Variants in PCYT1B observed in about 807,000 individuals in gnomAD.
PCYT1B encodes the protein phosphate cytidylyltransferase 1B, choline, also known as choline-phosphate cytidylyltransferase B.
In PCYT1B, 10 loss-of-function variants were observed where a neutral mutation model predicts 26.4. The observed-to-expected ratio is 0.38, with a 90% CI of 0.23 to 0.64. The LOEUF (loss-of-function observed/expected upper bound fraction) is 0.64, where lower values mean the gene tolerates loss of function less well. Among genes scored for constraint, PCYT1B ranks in the 30% least tolerant of loss-of-function variants. The pLI is 0.56. For missense variants in PCYT1B, 161 were observed against 292.7 expected (o/e 0.55, Z 3.28); for synonymous variants, 131 against 108.4 (o/e 1.21, Z -1.29).
At chrX:24,624,062 C>T (rs1444031289) in intron 1 of PCYT1B, among the ~76,000 whole-genome samples, 1 of 107,345 alleles carries the variant, frequency 9.3e-6, no homozygotes, top group African/African-American at 3.4e-5. Context: ...CTCCACTTCC[C>T]GGGTTCATGC....
intron 1 of PCYT1B, among the ~76,000 whole-genome samples, chrX:24,645,028 C>T (rs760702615): frequency 2.2e-4 from 25 of 111,237 alleles, no homozygotes; most frequent in Non-Finnish European, 5.7e-5. Context: ...CAGGCCACTG[C>T]ACTCTAGCCT....
chrX:24,624,280 T>C (rs1289254258), intron 1 of PCYT1B, among the ~76,000 whole-genome samples: 2 of 111,925 alleles, frequency 1.8e-5, no homozygotes, highest in Non-Finnish European at 3.8e-5. Context: ...AGCTAAGCTA[T>C]TCTTAACTCC....
chrX:24,645,831 T>C (rs1330362090), intron 1 of PCYT1B, among the ~76,000 whole-genome samples: 1 of 111,960 alleles, frequency 8.9e-6, no homozygotes, highest in Non-Finnish European at 1.9e-5. Flanking sequence ...CCTCTGTATT[T>C]GTGCTTTTTA....
intron 7 of PCYT1B, among the ~76,000 whole-genome samples, chrX:24,563,636 G>A (rs1923512773): frequency 9.0e-6 from 1 of 111,450 alleles, no homozygotes; most frequent in African/African-American, 3.3e-5. Context: ...AGAGGAGGAG[G>A]CCATCGTGGC....
chrX:24,619,994 G>A (rs1440447357), intron 1 of PCYT1B, among the ~76,000 whole-genome samples: 3 of 112,772 alleles, frequency 2.7e-5, no homozygotes, highest in East Asian at 5.5e-4. Context: ...GAACTGTGCC[G>A]TGATTGCAGT....
intron 1 of PCYT1B, among the ~76,000 whole-genome samples, chrX:24,635,295 G>GA (rs993693447): frequency 3.6e-5 from 4 of 109,774 alleles, no homozygotes; most frequent in Admixed American, 9.7e-5. Context: ...CTAATGTGTA[G>GA]AAAAAAAAAC....
intron 2 of PCYT1B, among the ~76,000 whole-genome samples, chrX:24,609,519 A>G (rs113092777): frequency 1.5e-4 from 17 of 112,562 alleles, no homozygotes; most frequent in African/African-American, 4.2e-4. Flanking sequence ...GAACATACAC[A>G]TTATCTCTAC....
intron 1 of PCYT1B, among the ~76,000 whole-genome samples, chrX:24,661,170 T>C (rs1927022311): frequency 8.9e-6 from 1 of 112,362 alleles, no homozygotes; most frequent in African/African-American, 3.2e-5. Context: ...CTAATGTTTT[T>C]CAATGCATGA....
At chrX:24,613,950 C>CAAAAAAAAAAAAAAAAAAAAAAAA (rs200062439) in intron 2 of PCYT1B, among the ~76,000 whole-genome samples, 1 of 77,213 alleles carries the variant, frequency 1.3e-5, no homozygotes, top group Non-Finnish European at 2.6e-5. Flanking sequence ...AACAACCTGT[C>CAAAAAAAAAAAAAAAAAAAAAAAA]AAAAAAAAAA....
chrX:24,663,124 T>A (rs1399387483), intron 1 of PCYT1B, among the ~76,000 whole-genome samples: 1 of 112,269 alleles, frequency 8.9e-6, no homozygotes, highest in Non-Finnish European at 1.9e-5. Flanking sequence ...ACTATTAATA[T>A]CTTGTCTAAT....
At chrX:24,586,286 G>A (rs761590317) in intron 5 of PCYT1B, among the ~76,000 whole-genome samples, 7 of 112,768 alleles carry the variant, frequency 6.2e-5, no homozygotes, top group African/African-American at 1.9e-4. Context: ...CACAAGGCAG[G>A]GAGTTCTCCA....
chrX:24,584,452 G>A (rs983746279), intron 5 of PCYT1B, among the ~76,000 whole-genome samples: 10 of 112,310 alleles, frequency 8.9e-5, no homozygotes, highest in Non-Finnish European at 1.3e-4. Flanking sequence ...TTCCAAGTCC[G>A]AAGTGTATGA....
chrX:24,576,589 G>A (rs1038797818), intron 6 of PCYT1B, among the ~76,000 whole-genome samples: 6 of 111,975 alleles, frequency 5.4e-5, no homozygotes, highest in Non-Finnish European at 9.4e-5. Context: ...ACATGCATGA[G>A]CCACTGTGCC....
intron 1 of PCYT1B, among the ~76,000 whole-genome samples, chrX:24,642,959 C>T (rs868685037): frequency 6.9e-4 from 77 of 112,088 alleles, no homozygotes; most frequent in African/African-American, 2.3e-3. Context: ...ATGAACTCCT[C>T]CTGCTAATGT....
At chrX:24,581,720 C>A (rs1384533918) in intron 5 of PCYT1B, among the ~76,000 whole-genome samples, 1 of 112,488 alleles carries the variant, frequency 8.9e-6, no homozygotes, top group Non-Finnish European at 1.9e-5. Flanking sequence ...CACTGGGTGA[C>A]AAACAGGCAC....
intron 4 of PCYT1B, among the ~76,000 whole-genome samples, chrX:24,588,158 G>A (rs2148232445): frequency 9.0e-6 from 1 of 111,290 alleles, no homozygotes; most frequent in Non-Finnish European, 1.9e-5. Flanking sequence ...GCTGGGATGT[G>A]TGTGTGTGTG....
At chrX:24,573,161 CACAT>C (rs1224889116) in intron 7 of PCYT1B, among the ~76,000 whole-genome samples, 666 of 24,119 alleles carry the variant, frequency 0.028, 10 homozygotes, top group East Asian at 0.1. Flanking sequence ...CACACACACA[CACAT>C]ATATATATAT....
chrX:24,624,020 G>A (rs1251782749), intron 1 of PCYT1B, among the ~76,000 whole-genome samples: 1 of 98,731 alleles, frequency 1.0e-5, no homozygotes, highest in East Asian at 3.2e-4. Context: ...CGCCCAGGCT[G>A]GAGTGCAGTG....
At chrX:24,659,487 G>C (rs1926987018) in intron 1 of PCYT1B, among the ~76,000 whole-genome samples, 1 of 111,869 alleles carries the variant, frequency 8.9e-6, no homozygotes, top group Non-Finnish European at 1.9e-5. Context: ...GGTGAGAAAT[G>C]ATCTTTCCAA....
Sources: gnomAD v4.1 joint callset for allele counts (sites outside exome capture counted in the v4.1 genomes callset) on GRCh38, gnomAD v4.1.1 for gene constraint, MANE v1.5 for transcripts, NCBI Gene and HGNC (gene_info 2026-07-23, HGNC 2026-07-21) for gene names.